The following CYP4F22 variants were observed in gnomAD, a reference collection of about 807,000 sequenced individuals.
CYP4F22 encodes the protein ultra-long-chain fatty acid omega-hydroxylase.
In CYP4F22, 37 loss-of-function variants were observed where a neutral mutation model predicts 60.4. The observed-to-expected ratio is 0.61, with a 90% CI of 0.47 to 0.81. CYP4F22 has a LOEUF of 0.81. CYP4F22 is among the 30% of genes least tolerant of loss of function. The pLI is 0.00. For missense variants in CYP4F22, 655 were observed against 715.0 expected (o/e 0.92, Z 0.96); for synonymous variants, 258 against 280.5 (o/e 0.92, Z 0.80).
intron 10 of CYP4F22, 71 bp from the exon 11 acceptor site, chr19:15,548,037 G>A: frequency 7.2e-7 from 1 of 1,396,128 alleles, no homozygotes; most frequent in Non-Finnish European, 1.0e-6. Flanking sequence ...GTGTGTGTGT[G>A]TGTGTGTGTG....
chr19:15,535,679 TCCAC>T (rs931575147), intron 4 of CYP4F22, among the ~76,000 whole-genome samples: 5 of 151,976 alleles, frequency 3.3e-5, no homozygotes, highest in Admixed American at 6.6e-5. Flanking sequence ...CATCCATCCA[TCCAC>T]CCACCCACCA....
Position 15,537,014 on chromosome 19 carries a change from T to C in CYP4F22, c.368-347T>C, listed in dbSNP as rs376818771. 9.6e-4 allele frequency among the ~76,000 whole-genome samples: 146 copies of C among 152,258 alleles called. 1 individual carries two copies. The highest frequency in any genetic ancestry group is 3.4e-3 in the African/African-American group (143 of 41,552). On this transcript the variant is annotated intron_variant, in intron 4 of 13. Transcript: ENST00000269703. Reference sequence around the variant, plus strand: ...AAGGTCAAGGGTTGGAACTCTGTTTTGAGGCCAGGCACGATGGCTCGTGCT... The same window carrying C: ...AAGGTCAAGGGTTGGAACTCTGTTTCGAGGCCAGGCACGATGGCTCGTGCT...
intron 8 of CYP4F22, among the ~76,000 whole-genome samples, chr19:15,543,739 C>G (rs1971489042): frequency 6.6e-6 from 1 of 151,882 alleles, no homozygotes; most frequent in South Asian, 2.1e-4. Context: ...TGCCTGTAAT[C>G]CCAGCTATTC....
intron 1 of CYP4F22, among the ~76,000 whole-genome samples, chr19:15,520,424 T>C (rs1971210046): frequency 6.7e-6 from 1 of 150,128 alleles, no homozygotes. Context: ...GAGACGGAGT[T>C]TTGCTCTTGT....
chr19:15,518,647 C>CAAAAAAAAAAAAAAAAAAAAAAAAAAA (rs748509278), intron 1 of CYP4F22, among the ~76,000 whole-genome samples: 1 of 23,514 alleles, frequency 4.3e-5, no homozygotes, highest in African/African-American at 1.6e-4. Flanking sequence ...GACTTTGTCT[C>CAAAAAAAAAAAAAAAAAAAAAAAAAAA]AAAAAAAAAA....
chr19:15,509,260 C>G (rs1311978954), intron 1 of CYP4F22, among the ~76,000 whole-genome samples: 1 of 152,106 alleles, frequency 6.6e-6, no homozygotes, highest in Non-Finnish European at 1.5e-5. Flanking sequence ...CTGGCCCAGC[C>G]TGGGTATGCA....
Position 15,550,621 on chromosome 19 carries a change from G to T in CYP4F22, c.1336-53G>T, listed in dbSNP as rs1971583525. 6.3e-6 allele frequency: 10 copies of T among 1,590,076 alleles called. No individual in the cohort carries two copies. The South Asian group carries it at 1.1e-4, about 18-fold the overall frequency. ...CCAGAGGCTCAGGGAAGGGGGCCAG[G>T]CTGGGATGTCTGGGGCAGCCCCCAG... On this transcript the variant is annotated intron_variant, in intron 12 of 13. Coordinates refer to ENST00000269703, the MANE Select transcript of CYP4F22 (RefSeq NM_173483.4).
Position 15,551,565 on chromosome 19 carries a change from C to G in CYP4F22, c.*94C>G, listed in dbSNP as rs1236910888. The G allele has an allele frequency of 2.3e-5, 33 of 1,433,446 alleles. No individual in the cohort carries two copies. The highest frequency in any genetic ancestry group is 2.8e-5 in the Non-Finnish European group (30 of 1,067,256). The allele number at this position is 1,433,446 out of a possible 1,614,324, so 88.8% of individuals were successfully genotyped here. ...AGATCCCGAGGGCATAGGCCACCCCCCTCGAAGTTCAGGTTCAGCTCCTGG... is the reference window on the plus strand; with the variant it reads ...AGATCCCGAGGGCATAGGCCACCCCGCTCGAAGTTCAGGTTCAGCTCCTGG... On this transcript the variant is annotated 3_prime_UTR_variant, in exon 14 of 14. Coordinates refer to ENST00000269703, the MANE Select transcript of CYP4F22 (RefSeq NM_173483.4).
chr19:15,532,330 CCTT>C (rs1379580645), intron 4 of CYP4F22, among the ~76,000 whole-genome samples: 2 of 150,348 alleles, frequency 1.3e-5, no homozygotes, highest in Non-Finnish European at 3.0e-5. Flanking sequence ...TCCTCCTTCT[CCTT>C]CTTCTCCTCC....
intron 1 of CYP4F22, among the ~76,000 whole-genome samples, chr19:15,522,443 G>A (rs1032854772): frequency 6.6e-6 from 1 of 152,170 alleles, no homozygotes; most frequent in Non-Finnish European, 1.5e-5. Flanking sequence ...GGGAGGCAGA[G>A]GTGGGAGGAT....
intron 4 of CYP4F22, among the ~76,000 whole-genome samples, chr19:15,531,810 A>T (rs1971345838): frequency 6.6e-6 from 1 of 152,176 alleles, no homozygotes; most frequent in African/African-American, 2.4e-5. Context: ...TGAATAATAT[A>T]ATGTGGATAA....
chr19:15,510,966 A>ATTTTTTT lies in CYP4F22; in HGVS notation c.-109+2394_-109+2400dup, dbSNP rs1555726127. On this transcript the variant is annotated intron_variant, in intron 1 of 13. Transcript: ENST00000269703. ...ATACCATATATATATATATATATAT[A>ATTTTTTT]TTTTTTTTTTTTTTTTTGAGATGGA... Among the ~76,000 whole-genome samples the ATTTTTTT allele has an allele frequency of 8.7e-5, 9 of 103,300 alleles. 1 individual carries two copies. The highest frequency in any genetic ancestry group is 1.8e-4 in the African/African-American group (4 of 21,766). The allele number at this position is 103,300 out of a possible 152,430, so 67.8% of individuals were successfully genotyped here.
In CYP4F22 at chr19:15,520,336, C is replaced by A. The variant is rs1450555962; in HGVS notation, c.-108-3357C>A. Among the ~76,000 whole-genome samples, 19 of 145,770 alleles carry A rather than the reference C, an allele frequency of 1.3e-4. No individual in the cohort carries two copies. In the East Asian group the frequency reaches 3.0e-3, roughly 23 times the overall value. The stretch of plus-strand genomic sequence containing the variant: ...ACTCCAGCCTGGGCGACAGAGCAAG[C>A]CTCCATCTCAAAAAAAAAAAAAAAA... On this transcript the variant is annotated intron_variant, in intron 1 of 13. Transcript: ENST00000269703.
chr19:15,513,362 T>TATATATA (rs199855500), intron 1 of CYP4F22, among the ~76,000 whole-genome samples: 3 of 75,224 alleles, frequency 4.0e-5, no homozygotes, highest in African/African-American at 6.2e-5. Context: ...TATATATATA[T>TATATATA]TTTTTTTTTT....
intron 3 of CYP4F22, among the ~76,000 whole-genome samples, chr19:15,528,779 A>G (rs561523946): frequency 1.5e-3 from 231 of 152,320 alleles, no homozygotes; most frequent in South Asian, 2.7e-3. Context: ...GGGTTCTTGT[A>G]CTGATCAAAT....
At chr19:15,525,189 A>G (rs1260272809) in intron 2 of CYP4F22, 147 bp from the exon 3 acceptor site, 1 of 775,054 alleles carries the variant, frequency 1.3e-6, no homozygotes, top group Admixed American at 2.0e-5. Context: ...AGCTGGTTGG[A>G]GATCATGGCT....
chr19:15,519,377 C>T (rs1434255525), intron 1 of CYP4F22, among the ~76,000 whole-genome samples: 1 of 152,048 alleles, frequency 6.6e-6, no homozygotes, highest in East Asian at 1.9e-4. Context: ...ATTCTCCTGC[C>T]TCAGCCTCCC....
chr19:15,534,467 CTTTT>C (rs111577247), intron 4 of CYP4F22, among the ~76,000 whole-genome samples: 1 of 147,514 alleles, frequency 6.8e-6, no homozygotes, highest in Non-Finnish European at 1.5e-5. Context: ...ATCTCTCCCT[CTTTT>C]TTTTTTTCTT....
At chr19:15,550,995 G>T (rs1324018108) in intron 13 of CYP4F22, among the ~76,000 whole-genome samples, 1 of 152,138 alleles carries the variant, frequency 6.6e-6, no homozygotes, top group Non-Finnish European at 1.5e-5. Flanking sequence ...GCTCCCATTG[G>T]CTCTATGATG....
Sources: gnomAD v4.1 joint callset for allele counts (sites outside exome capture counted in the v4.1 genomes callset) on GRCh38, gnomAD v4.1.1 for gene constraint, MANE v1.5 for transcripts, NCBI Gene and HGNC (gene_info 2026-07-23, HGNC 2026-07-21) for gene names.